The following PPP6R3 variants were observed in gnomAD, a reference collection of about 807,000 sequenced individuals.
The protein encoded by PPP6R3 is serine/threonine-protein phosphatase 6 regulatory subunit 3.
PPP6R3 carries 38 observed loss-of-function variants against 110.7 expected under a neutral mutation model. The observed-to-expected ratio is 0.34, with a 90% confidence interval of 0.26 to 0.45. The LOEUF (loss-of-function observed/expected upper bound fraction) is 0.45. Ranked by LOEUF, PPP6R3 falls within the 20% of genes least tolerant of loss-of-function variation. PPP6R3 has a pLI of 1.00. For synonymous variants in PPP6R3, 369 were observed against 373.5 expected (o/e 0.99, Z 0.14); for missense variants, 870 against 1,062.4 (o/e 0.82, Z 2.52).
At chr11:68,462,601 A>G (rs2098716001) in intron 1 of PPP6R3, among the ~76,000 whole-genome samples, 2 of 152,210 alleles carry the variant, frequency 1.3e-5, no homozygotes, top group Non-Finnish European at 2.9e-5. Context: ...TTCTTCAGCA[A>G]AGATAGTTTG....
At chr11:68,510,706 T>C (rs1326036641) in intron 1 of PPP6R3, among the ~76,000 whole-genome samples, 1 of 152,212 alleles carries the variant, frequency 6.6e-6, no homozygotes, top group East Asian at 1.9e-4. Context: ...CTATTCTAGA[T>C]TGGGTAAGAC....
chr11:68,563,855 A>G (rs2099441505), intron 8 of PPP6R3, among the ~76,000 whole-genome samples: 1 of 152,212 alleles, frequency 6.6e-6, no homozygotes, highest in Non-Finnish European at 1.5e-5. Context: ...GAATAATTTT[A>G]AACCTTTTAA....
At chr11:68,513,303 T>G (rs1180390663) in intron 1 of PPP6R3, among the ~76,000 whole-genome samples, 1 of 152,106 alleles carries the variant, frequency 6.6e-6, no homozygotes, top group Non-Finnish European at 1.5e-5. Context: ...TTAATACAAA[T>G]CTGGTATTGG....
At chr11:68,483,507 C>T (rs993696346) in intron 1 of PPP6R3, among the ~76,000 whole-genome samples, 1 of 152,170 alleles carries the variant, frequency 6.6e-6, no homozygotes, top group Admixed American at 6.5e-5. Context: ...CTTGGTGTTA[C>T]ACATTCTATA....
At chr11:68,581,953 A>AGGG (rs1473647077) in intron 14 of PPP6R3, among the ~76,000 whole-genome samples, 2 of 152,224 alleles carry the variant, frequency 1.3e-5, no homozygotes, top group African/African-American at 4.8e-5. Context: ...GGGGAAAGGA[A>AGGG]GGGAGATTCA....
chr11:68,571,906 T>A (rs1023965118), intron 12 of PPP6R3, among the ~76,000 whole-genome samples: 1 of 152,180 alleles, frequency 6.6e-6, no homozygotes, highest in African/African-American at 2.4e-5. Flanking sequence ...AAAATTTCTC[T>A]CATGGTCCTT....
chr11:68,609,549 T>C (rs1254213767), intron 22 of PPP6R3: 1 of 1,531,346 alleles, frequency 6.5e-7, no homozygotes, highest in African/African-American at 1.4e-5. Context: ...AAATTCCTCA[T>C]TTCTAGGAGT....
intron 1 of PPP6R3, among the ~76,000 whole-genome samples, chr11:68,482,899 CTT>C: frequency 6.6e-6 from 1 of 152,100 alleles, no homozygotes; most frequent in East Asian, 1.9e-4. Context: ...TCATTCATCT[CTT>C]TTCACTGAGT....
At chr11:68,586,142 A>G (rs1373319647) in intron 15 of PPP6R3, 5 of 152,022 alleles carry the variant, frequency 3.3e-5, no homozygotes, top group Non-Finnish European at 5.9e-5. Flanking sequence ...AAAATAAAAC[A>G]ATTGGGAGGG....
intron 14 of PPP6R3, among the ~76,000 whole-genome samples, chr11:68,577,521 A>G (rs566854278): frequency 1.3e-5 from 2 of 152,370 alleles, no homozygotes; most frequent in South Asian, 4.1e-4. Flanking sequence ...AAAATGTCCA[A>G]TTAAGCTTGT....
At chr11:68,533,228 A>G (rs772356851) in intron 2 of PPP6R3, among the ~76,000 whole-genome samples, 10 of 152,168 alleles carry the variant, frequency 6.6e-5, no homozygotes, top group Non-Finnish European at 1.5e-4. Context: ...TACCAGTGCC[A>G]TTTGTTTCCA....
At chr11:68,486,243 C>T (rs1345320070) in intron 1 of PPP6R3, among the ~76,000 whole-genome samples, 1 of 151,742 alleles carries the variant, frequency 6.6e-6, no homozygotes, top group Admixed American at 6.6e-5. Flanking sequence ...TTTGTACTTG[C>T]CTTGTAGTGT....
chr11:68,600,309 T>G, intron 19 of PPP6R3, 32 bp from the exon 20 acceptor site: 1 of 1,602,460 alleles, frequency 6.2e-7, no homozygotes, highest in Non-Finnish European at 8.5e-7. Context: ...GACTGAAGTG[T>G]TTTCCAAATA....
intron 1 of PPP6R3, among the ~76,000 whole-genome samples, chr11:68,499,157 TAATA>T (rs950900960): frequency 3.3e-5 from 5 of 152,160 alleles, no homozygotes; most frequent in Non-Finnish European, 1.5e-5. Context: ...TTTTGCTGCA[TAATA>T]AATTATCCCC....
At position 68,551,139 on chromosome 11, in the gene PPP6R3, A is replaced by G; in HGVS notation, c.571A>G (p.Ile191Val). The change falls in exon 6 of 24, where the codon ATT becomes GTT. Residue 191 changes from isoleucine to valine, a missense_variant. Physicochemically the swap from Ile to Val is conservative, Grantham distance 29. Transcript: ENST00000393800. ...TTTACAGTGGTTAAATGAGGAGAAA[A>G]TTATCCAGAGGCTTGTGGAAATAGT... ...DVLNWLNEEKIIQRLVEIVHP... is the reference protein window; with the variant it reads ...DVLNWLNEEKVIQRLVEIVHP... 1 of 1,610,894 alleles carries G rather than the reference A, an allele frequency of 6.2e-7. No homozygotes were observed. The highest frequency in any genetic ancestry group is 8.5e-7 in the Non-Finnish European group (1 of 1,177,482).
chr11:68,575,958 A>T lies in PPP6R3; in HGVS notation c.1460A>T (p.Asp487Val). The change falls in exon 14 of 24, where the codon GAT (aspartate) becomes GTT (valine). Residue 487 changes from aspartate (D) to valine (V), a missense_variant and splice_region_variant. By Grantham distance (152) the Asp-to-Val change is radical (BLOSUM62 -3). Coordinates refer to ENST00000393800, the MANE Select transcript of PPP6R3 (RefSeq NM_001164161.2). ...NSALVQQLIKDLPDEVRERWE... is the reference protein window; with the variant it reads ...NSALVQQLIKVLPDEVRERWE... ...CTTTTTTGCTTTTCTCACTCTGAAG[A>T]TCTTCCCGACGAAGTCAGGGAACGA... 6.2e-7 allele frequency: 1 copy of T among 1,607,184 alleles called. No individual in the cohort carries two copies.
intron 1 of PPP6R3, among the ~76,000 whole-genome samples, chr11:68,509,129 C>G (rs1241168302): frequency 2.6e-5 from 4 of 152,098 alleles, no homozygotes; most frequent in Non-Finnish European, 5.9e-5. Flanking sequence ...CTTTTCTCAC[C>G]CTGTCCTTTG....
chr11:68,605,884 C>T (rs78300585), intron 22 of PPP6R3, among the ~76,000 whole-genome samples: 1 of 152,190 alleles, frequency 6.6e-6, no homozygotes, highest in South Asian at 2.1e-4. Context: ...CACCAGTCTA[C>T]TAATTCCTAT....
intron 1 of PPP6R3, among the ~76,000 whole-genome samples, chr11:68,496,044 G>A (rs969718858): frequency 6.6e-6 from 1 of 152,124 alleles, no homozygotes; most frequent in African/African-American, 2.4e-5. Flanking sequence ...GAGTGCAGTG[G>A]TGCAGTCACA....
Sources: gnomAD v4.1 joint callset for allele counts (sites outside exome capture counted in the v4.1 genomes callset) on GRCh38, gnomAD v4.1.1 for gene constraint, MANE v1.5 for transcripts, NCBI Gene and HGNC (gene_info 2026-07-23, HGNC 2026-07-21) for gene names.